The following KIF13A variants were observed in gnomAD, a reference collection of about 807,000 sequenced individuals.
KIF13A encodes the protein kinesin-like protein KIF13A.
Under a neutral mutation model 212.2 loss-of-function variants are expected in KIF13A, and 79 were observed. The ratio of observed to expected loss-of-function variants is 0.37; its 90% CI spans 0.31 to 0.45. The LOEUF (loss-of-function observed/expected upper bound fraction) is 0.45. Among genes scored for constraint, KIF13A ranks in the 20% least tolerant of loss-of-function variants. KIF13A has a pLI of 1.00. For missense variants in KIF13A, 1,901 were observed against 2,209.0 expected, an observed-to-expected ratio of 0.86 and a Z score of 2.79; for synonymous variants, 789 against 808.6, an observed-to-expected ratio of 0.98 and a Z score of 0.41.
intron 4 of KIF13A, among the ~76,000 whole-genome samples, chr6:17,869,467 A>T (rs1242833858): frequency 6.6e-6 from 1 of 152,244 alleles, no homozygotes; most frequent in Non-Finnish European, 1.5e-5. Flanking sequence ...CTATGAGATC[A>T]GAACTATTAG....
intron 2 of KIF13A, among the ~76,000 whole-genome samples, chr6:17,952,605 C>T (rs539178800): frequency 6.6e-6 from 1 of 151,638 alleles, no homozygotes; most frequent in Non-Finnish European, 1.5e-5. Flanking sequence ...CCACTCACTG[C>T]ACTCCAGTCT....
At chr6:17,975,450 G>A (rs868848455) in intron 2 of KIF13A, among the ~76,000 whole-genome samples, 2 of 152,134 alleles carry the variant, frequency 1.3e-5, no homozygotes, top group African/African-American at 2.4e-5. Flanking sequence ...GCTTACAAAA[G>A]TGAAGCTACA....
intron 29 of KIF13A, among the ~76,000 whole-genome samples, chr6:17,782,559 C>T (rs1466047968): frequency 2.6e-5 from 4 of 151,874 alleles, no homozygotes; most frequent in East Asian, 2.0e-4. Context: ...TGCTTGAACC[C>T]GGGAGGCGGA....
rs1774704361 is a variant in KIF13A, at chr6:17,918,042, G to A, written c.147-19862C>T. On this transcript the variant is annotated intron_variant, in intron 2 of 38. Coordinates refer to ENST00000259711, the MANE Select transcript of KIF13A (RefSeq NM_022113.6). This position sits in a 1 kb window ranked among gnomAD's most constrained non-coding sequence, Gnocchi z 4.8. The stretch of plus-strand genomic sequence containing the variant: ...ATTCTGTTTCCTCGTGGCACCTGTT[G>A]CACTTTCTCGGAGTCATGGTTTGTT... 6.6e-6 allele frequency among the ~76,000 whole-genome samples: 1 copy of A among 151,894 alleles called. No homozygotes were observed. Among genetic ancestry groups the A allele is most frequent in the South Asian group, 2.1e-4 (1 of 4,808 alleles).
intron 2 of KIF13A, among the ~76,000 whole-genome samples, chr6:17,946,798 T>C (rs186785375): frequency 2.0e-4 from 30 of 152,302 alleles, no homozygotes; most frequent in African/African-American, 6.5e-4. Context: ...ACTACCCAAA[T>C]GTCCATCAAC....
chr6:17,949,767 A>G (rs1242254883), intron 2 of KIF13A, among the ~76,000 whole-genome samples: 1 of 152,118 alleles, frequency 6.6e-6, no homozygotes, highest in African/African-American at 2.4e-5. Flanking sequence ...CAGTCATTAT[A>G]CTGCATATAC....
In KIF13A at chr6:17,892,269, T is replaced by A. The variant is rs1035761151; in HGVS notation, c.159+5899A>T. Among the ~76,000 whole-genome samples, 1 of 152,240 alleles carries A rather than the reference T, an allele frequency of 6.6e-6. No individual in the cohort carries two copies. The highest frequency in any genetic ancestry group is 6.5e-5 in the Admixed American group (1 of 15,280). ...CTGTTAGCATCAAAGTCCTGGTTAC[T>A]TTATTTCTGTAATGTTTTCGTAATT... On this transcript the variant is annotated intron_variant, in intron 3 of 38. Coordinates refer to ENST00000259711, the MANE Select transcript of KIF13A (RefSeq NM_022113.6). This position sits in a 1 kb window ranked among gnomAD's most constrained non-coding sequence, Gnocchi z 4.7.
chr6:17,916,698 T>G (rs999620540), intron 2 of KIF13A, among the ~76,000 whole-genome samples: 3 of 152,232 alleles, frequency 2.0e-5, no homozygotes, highest in Non-Finnish European at 4.4e-5. Context: ...GGAAACTCAT[T>G]ATTTGTGCAA....
chr6:17,777,186 G>A lies in KIF13A; in HGVS notation c.4170+91C>T, dbSNP rs759537723. 4 of 986,288 alleles carry A rather than the reference G, an allele frequency of 4.1e-6. No homozygotes were observed. Among genetic ancestry groups the A allele is most frequent in the Middle Eastern group, 2.0e-4 (1 of 4,880 alleles). 61.1% of individuals were successfully genotyped at this position (986,288 alleles called of 1,614,324 possible). On this transcript the variant is annotated intron_variant, in intron 34 of 38. Transcript: ENST00000259711. This position sits in a 1 kb window ranked among gnomAD's most constrained non-coding sequence, Gnocchi z 4.4. ...TGGGATGCCCACACCAGTTCCATAA[G>A]CTCTACTGCCACTGTGTGAATCCCA...
intron 12 of KIF13A, 39 bp downstream of exon 12, chr6:17,833,922 A>G (rs772306342): frequency 3.0e-5 from 33 of 1,114,768 alleles, no homozygotes; most frequent in Non-Finnish European, 4.2e-5. Context: ...AATAAGTGAA[A>G]AAGAATCCCA....
In KIF13A at chr6:17,778,999, G is replaced by C. The variant is rs761835838; in HGVS notation, c.4040C>G (p.Thr1347Ser). Residue 1347 changes from threonine (T) to serine (S), a missense_variant, in exon 33 of 39, where the codon ACT (threonine) becomes AGT (serine). Coordinates refer to ENST00000259711, the MANE Select transcript of KIF13A (RefSeq NM_022113.6). Reference protein sequence around the residue: ...SDGETYIEKYTRGVLQVENIL... With the variant: ...SDGETYIEKYSRGVLQVENIL... ...GTTTTCCACCTGCAGCACGCCTCGA[G>C]TGTACTTCTCAATGTACGTCTCCCC... 20 of 1,613,136 alleles carry C rather than the reference G, an allele frequency of 1.2e-5. No individual in the cohort carries two copies. Among genetic ancestry groups the C allele is most frequent in the Non-Finnish European group, 1.7e-5 (20 of 1,179,648 alleles).
chr6:17,906,966 T>A (rs531073377), intron 2 of KIF13A, among the ~76,000 whole-genome samples: 59 of 152,236 alleles, frequency 3.9e-4, no homozygotes, highest in Middle Eastern at 3.4e-3. Context: ...GATGCTACAG[T>A]CAACAAGTGA....
intron 2 of KIF13A, among the ~76,000 whole-genome samples, chr6:17,922,923 C>T (rs190561696): frequency 6.6e-6 from 1 of 152,012 alleles, no homozygotes. Flanking sequence ...CACACCCAGC[C>T]TGCACATATG....
In KIF13A at chr6:17,871,540, G is replaced by GA. The variant is rs1770012699; in HGVS notation, c.220+1836_220+1837insT. On this transcript the variant is annotated intron_variant, in intron 4 of 38. Transcript: ENST00000259711. The surrounding 1 kb of genome is among the most constrained non-coding windows in gnomAD (Gnocchi z 4.4). ...TGCACACACACAGTGGGTTGGGGGG[G>GA]GAGTCATGAATACTTAAAAAATTAT... 6.6e-6 allele frequency among the ~76,000 whole-genome samples: 1 copy of GA among 152,062 alleles called. No individual in the cohort carries two copies. Among genetic ancestry groups the GA allele is most frequent in the African/African-American group, 2.4e-5 (1 of 41,402 alleles).
At chr6:17,801,069 T>C (rs967996189) in intron 20 of KIF13A, among the ~76,000 whole-genome samples, 9 of 152,102 alleles carry the variant, frequency 5.9e-5, no homozygotes, top group African/African-American at 2.2e-4. Context: ...CACCTATTCA[T>C]GTGAGTGAAT....
chr6:17,932,412 T>C (rs1230447768), intron 2 of KIF13A, among the ~76,000 whole-genome samples: 2 of 152,156 alleles, frequency 1.3e-5, no homozygotes, highest in African/African-American at 2.4e-5. Context: ...AAACAAGTCA[T>C]TTAGTAACGT....
At chr6:17,921,444 T>C (rs1285156682) in intron 2 of KIF13A, among the ~76,000 whole-genome samples, 1 of 152,202 alleles carries the variant, frequency 6.6e-6, no homozygotes, top group East Asian at 1.9e-4. Context: ...AGACCTACTT[T>C]TAAAAATGTC....
chr6:17,845,302 C>T (rs1231067201), intron 9 of KIF13A, among the ~76,000 whole-genome samples: 1 of 152,132 alleles, frequency 6.6e-6, no homozygotes, highest in African/African-American at 2.4e-5. Context: ...TTTGGTGGGA[C>T]ACAGCCATAC....
In KIF13A at chr6:17,826,136, C is replaced by G; in HGVS notation, c.1533-12G>C. On this transcript the variant is annotated splice_polypyrimidine_tract_variant and intron_variant, in intron 14 of 38. Coordinates refer to ENST00000259711, the MANE Select transcript of KIF13A (RefSeq NM_022113.6). This position sits in a 1 kb window ranked among gnomAD's most constrained non-coding sequence, Gnocchi z 4.7. The stretch of plus-strand genomic sequence containing the variant: ...CGTTCACACAGGACCTGGGAGAACA[C>G]GAGGGAAAATACCAGGTAAATGGGA... 2 of 1,609,444 alleles carry G rather than the reference C, an allele frequency of 1.2e-6. No individual in the cohort carries two copies. The highest frequency in any genetic ancestry group is 8.5e-7 in the Non-Finnish European group (1 of 1,176,282).
Sources: allele counts gnomAD v4.1 joint callset (sites outside exome capture counted in the v4.1 genomes callset), GRCh38; gene constraint gnomAD v4.1.1; non-coding constraint Gnocchi (gnomAD v3.1); transcripts MANE v1.5; gene names NCBI Gene and HGNC (gene_info 2026-07-23, HGNC 2026-07-21).